NTN1: variants seen among roughly 807,000 people sequenced by gnomAD.
NTN1 encodes netrin 1.
In NTN1, 11 loss-of-function variants were observed where a neutral mutation model predicts 54.2. The observed-to-expected ratio is 0.20, with a 90% CI of 0.13 to 0.34. The LOEUF (loss-of-function observed/expected upper bound fraction) is 0.34. NTN1 is among the 10% of genes least tolerant of loss of function. The pLI is 1.00. For missense variants in NTN1, 740 were observed against 893.1 expected (o/e 0.83, Z 2.18); for synonymous variants, 371 against 382.0 (o/e 0.97, Z 0.33).
At chr17:9,177,444 G>C (rs1314722809) in intron 3 of NTN1, 1 of 152,226 alleles carries the variant, frequency 6.6e-6, no homozygotes, top group Non-Finnish European at 1.5e-5. Flanking sequence ...AACGTGCAGT[G>C]ACCGAGCAAC....
At chr17:9,092,866 CT>C (rs2092117046) in intron 2 of NTN1, among the ~76,000 whole-genome samples, 1 of 152,174 alleles carries the variant, frequency 6.6e-6, no homozygotes, top group Admixed American at 6.5e-5. Context: ...TCACGCCATT[CT>C]CCTGCCTCAG....
intron 2 of NTN1, among the ~76,000 whole-genome samples, chr17:9,030,473 G>A (rs963376801): frequency 6.6e-6 from 1 of 152,200 alleles, no homozygotes; most frequent in African/African-American, 2.4e-5. Context: ...GTGGCTGGAC[G>A]CAGTGGCTCA....
chr17:9,062,923 A>G (rs1026129358), intron 2 of NTN1, among the ~76,000 whole-genome samples: 1 of 152,132 alleles, frequency 6.6e-6, no homozygotes, highest in African/African-American at 2.4e-5. Context: ...ACATTTTCAG[A>G]ATGTGTTGTA....
At chr17:9,003,120 C>A in the NTN1 span, among the ~76,000 whole-genome samples, 1 of 152,112 alleles carries the variant, frequency 6.6e-6, no homozygotes, top group South Asian at 2.1e-4. This position sits in a 1 kb window ranked among gnomAD's most constrained non-coding sequence, Gnocchi z 7.4. Context: ...AGCTCGCCTC[C>A]CGCTGCCGCC....
At chr17:9,217,077 C>A (rs935139585) in intron 5 of NTN1, among the ~76,000 whole-genome samples, 1 of 151,894 alleles carries the variant, frequency 6.6e-6, no homozygotes, top group Non-Finnish European at 1.5e-5. Flanking sequence ...AAGGTGACAT[C>A]TTTGCTGTAC....
At chr17:9,215,819 G>A (rs1288314018) in intron 5 of NTN1, among the ~76,000 whole-genome samples, 1 of 152,022 alleles carries the variant, frequency 6.6e-6, no homozygotes, top group Non-Finnish European at 1.5e-5. Context: ...GTTGATTTTT[G>A]GAAAACTTCA....
chr17:9,125,002 GTGTA>G (rs969657729), intron 2 of NTN1, among the ~76,000 whole-genome samples: 35 of 152,314 alleles, frequency 2.3e-4, no homozygotes, highest in Middle Eastern at 3.4e-3. Context: ...TGTTGTTAGT[GTGTA>G]TGTGTGTTTC....
intron 2 of NTN1, among the ~76,000 whole-genome samples, chr17:9,106,127 A>C (rs1251436569): frequency 6.6e-6 from 1 of 152,136 alleles, no homozygotes; most frequent in Non-Finnish European, 1.5e-5. Flanking sequence ...AATAAACCAC[A>C]CTTCCTGGTC....
intron 6 of NTN1, among the ~76,000 whole-genome samples, chr17:9,224,061 A>G (rs939634889): frequency 3.9e-5 from 6 of 152,174 alleles, no homozygotes; most frequent in African/African-American, 1.2e-4. Flanking sequence ...CTGTTCTTTA[A>G]TCATGAAATC....
rs556582677 is a variant in NTN1 at position 9,141,171 on chromosome 17, T to C, written c.1019-21642T>C. Among the ~76,000 whole-genome samples the C allele has an allele frequency of 5.3e-5, 8 of 151,108 alleles. No homozygotes were observed. In the South Asian group the frequency reaches 1.3e-3, roughly 24 times the overall value. Reference sequence around the variant, plus strand: ...AAAGAAGATGTGGGGACTAGAGATATATATTTGGGAGTCATTTCCCCCCGA... The same window carrying C: ...AAAGAAGATGTGGGGACTAGAGATACATATTTGGGAGTCATTTCCCCCCGA... On this transcript the variant is annotated intron_variant, in intron 2 of 6. Coordinates refer to ENST00000173229, the MANE Select transcript of NTN1 (RefSeq NM_004822.3).
At chr17:9,074,213 T>C (rs1446536203) in intron 2 of NTN1, among the ~76,000 whole-genome samples, 1 of 152,208 alleles carries the variant, frequency 6.6e-6, no homozygotes, top group Non-Finnish European at 1.5e-5. Flanking sequence ...CGAGGTGGCT[T>C]CCTGCAAGAC....
chr17:9,061,748 G>C (rs2091999318), intron 2 of NTN1, among the ~76,000 whole-genome samples: 1 of 152,054 alleles, frequency 6.6e-6, no homozygotes, highest in Non-Finnish European at 1.5e-5. Context: ...CTGTCGCCCA[G>C]ACCAGAGTCC....
At chr17:9,118,119 G>A (rs1224524756) in intron 2 of NTN1, among the ~76,000 whole-genome samples, 3 of 152,192 alleles carry the variant, frequency 2.0e-5, no homozygotes, top group Non-Finnish European at 4.4e-5. Context: ...CTGTAAAAGG[G>A]GTATAATGTC....
At chr17:9,172,179 C>G (rs1054036485) in intron 3 of NTN1, among the ~76,000 whole-genome samples, 1 of 152,090 alleles carries the variant, frequency 6.6e-6, no homozygotes, top group Non-Finnish European at 1.5e-5. Context: ...TGAGCCACTG[C>G]GCCTGGCCAG....
chr17:9,032,688 C>T (rs537948422), intron 2 of NTN1, among the ~76,000 whole-genome samples: 1 of 152,304 alleles, frequency 6.6e-6, no homozygotes, highest in South Asian at 2.1e-4. Flanking sequence ...GTGAAAGTAC[C>T]TTTGGGTTGG....
At chr17:9,032,866 C>T (rs915106180) in intron 2 of NTN1, among the ~76,000 whole-genome samples, 16 of 151,908 alleles carry the variant, frequency 1.1e-4, no homozygotes, top group Non-Finnish European at 1.5e-4. Flanking sequence ...GGCTCAGAAC[C>T]GGGAGAGAAT....
intron 2 of NTN1, among the ~76,000 whole-genome samples, chr17:9,129,558 A>G (rs375475496): frequency 2.6e-5 from 4 of 152,160 alleles, no homozygotes; most frequent in Non-Finnish European, 5.9e-5. Flanking sequence ...GCTTCTGTGT[A>G]TGTCATAAGG....
chr17:9,168,250 T>G (rs1449087750), intron 3 of NTN1, among the ~76,000 whole-genome samples: 2 of 152,238 alleles, frequency 1.3e-5, no homozygotes, highest in African/African-American at 4.8e-5. Context: ...TTAAAAATCC[T>G]GGCCGGGCAC....
chr17:9,057,829 C>T (rs2091984057), intron 2 of NTN1, among the ~76,000 whole-genome samples: 1 of 152,190 alleles, frequency 6.6e-6, no homozygotes, highest in African/African-American at 2.4e-5. Flanking sequence ...ACTTGTTTGG[C>T]CAGGGAAAAA....
Sources: gnomAD v4.1 joint callset for allele counts (sites outside exome capture counted in the v4.1 genomes callset) on GRCh38, gnomAD v4.1.1 for gene constraint, Gnocchi (gnomAD v3.1) non-coding constraint, MANE v1.5 for transcripts, NCBI Gene and HGNC (gene_info 2026-07-23, HGNC 2026-07-21) for gene names.